Variants in SFMBT1 observed in about 807,000 individuals in gnomAD.
SFMBT1 encodes the protein Scm like with four mbt domains 1.
In SFMBT1, 32 loss-of-function variants were observed where a neutral mutation model predicts 108.7. The observed-to-expected ratio is 0.29, with a 90% confidence interval of 0.22 to 0.40. The LOEUF is 0.40. SFMBT1 is among the 10% of genes least tolerant of loss of function. SFMBT1 has a pLI of 1.00. For synonymous variants in SFMBT1, 348 were observed against 369.5 expected (o/e 0.94, Z 0.67); for missense variants, 816 against 1,059.6 (o/e 0.77, Z 3.19).
intron 1 of SFMBT1, among the ~76,000 whole-genome samples, chr3:53,007,571 C>A (rs531897745): frequency 1.3e-5 from 2 of 152,274 alleles, no homozygotes; most frequent in Non-Finnish European, 2.9e-5. Flanking sequence ...GACAAAGCAG[C>A]AGCTTGAAGG....
chr3:52,912,877 G>GA (rs1042878422), intron 15 of SFMBT1, among the ~76,000 whole-genome samples: 1 of 152,044 alleles, frequency 6.6e-6, no homozygotes, highest in Non-Finnish European at 1.5e-5. Context: ...TTACGGTCAG[G>GA]AAAAAAACAG....
In SFMBT1 at chr3:53,002,866, T is replaced by C. The variant is rs954871554; in HGVS notation, c.-130-33608A>G. Among the ~76,000 whole-genome samples, 63 of 150,482 alleles carry C rather than the reference T, an allele frequency of 4.2e-4. 5 individuals are homozygous for C. Among genetic ancestry groups the C allele is most frequent in the Middle Eastern group, 6.8e-3 (2 of 292 alleles). ...AGACTGATAGTTACATGAAGATGTC[T>C]AGTTATTGGGTGTTTTCCCCCGCTC... On this transcript the variant is annotated intron_variant, in intron 1 of 20. Transcript: ENST00000394752.
At chr3:52,921,438 T>C (rs1238837668) in intron 11 of SFMBT1, among the ~76,000 whole-genome samples, 3 of 152,206 alleles carry the variant, frequency 2.0e-5, no homozygotes, top group Non-Finnish European at 4.4e-5. Flanking sequence ...CATCAAAATA[T>C]ATGCTATTTG....
intron 1 of SFMBT1, among the ~76,000 whole-genome samples, chr3:52,991,989 G>A (rs1036726787): frequency 6.6e-6 from 1 of 152,206 alleles, no homozygotes; most frequent in Non-Finnish European, 1.5e-5. Flanking sequence ...CCATTTCTGT[G>A]TTCCAACACC....
chr3:52,936,508 G>C (rs1347204519), intron 4 of SFMBT1, among the ~76,000 whole-genome samples: 1 of 152,180 alleles, frequency 6.6e-6, no homozygotes, highest in Non-Finnish European at 1.5e-5. Context: ...TCTTCAACCA[G>C]AGGCAGTCTC....
chr3:52,929,681 A>G (rs1321040289), intron 8 of SFMBT1, among the ~76,000 whole-genome samples: 1 of 152,256 alleles, frequency 6.6e-6, no homozygotes, highest in South Asian at 2.1e-4. Context: ...GAAAACTTAA[A>G]TCTCAATAGG....
chr3:52,920,775 CTT>C, intron 11 of SFMBT1, 125 bp from the exon 12 acceptor site: 1 of 606,866 alleles, frequency 1.6e-6, no homozygotes, highest in South Asian at 2.2e-5. Flanking sequence ...ACACAAGTCT[CTT>C]GACACAGAAG....
intron 1 of SFMBT1, among the ~76,000 whole-genome samples, chr3:53,017,128 C>T (rs1699151930): frequency 6.6e-6 from 1 of 152,084 alleles, no homozygotes; most frequent in Admixed American, 6.6e-5. Context: ...CTGCAAAGTA[C>T]ATTATTACTA....
chr3:52,905,851 T>C (rs1702051852), intron 20 of SFMBT1, among the ~76,000 whole-genome samples: 1 of 152,182 alleles, frequency 6.6e-6, no homozygotes, highest in Non-Finnish European at 1.5e-5. Context: ...ATGTGGACAA[T>C]TAAGCATGGT....
chr3:52,976,683 GA>G (rs1360619582), intron 1 of SFMBT1, among the ~76,000 whole-genome samples: 2 of 151,604 alleles, frequency 1.3e-5, no homozygotes, highest in Non-Finnish European at 1.5e-5. Flanking sequence ...ACAAGCTACA[GA>G]AAAAAAACTA....
chr3:53,007,697 A>G (rs976630060), intron 1 of SFMBT1, among the ~76,000 whole-genome samples: 53 of 152,260 alleles, frequency 3.5e-4, no homozygotes, highest in Admixed American at 2.0e-4. Context: ...TAATAAATCA[A>G]TAAATTGAAA....
chr3:52,915,515 G>A (rs774562467), intron 14 of SFMBT1, among the ~76,000 whole-genome samples: 3 of 152,126 alleles, frequency 2.0e-5, no homozygotes, highest in Non-Finnish European at 2.9e-5. Context: ...TCTGAGCTTC[G>A]ATTTCTCTTC....
At position 52,907,019 on chromosome 3, in the gene SFMBT1, G is replaced by A. The variant is rs183268116; in HGVS notation, c.2331+50C>T. 1,984 of 1,555,590 alleles carry A rather than the reference G, an allele frequency of 1.3e-3. 9 individuals carry two copies. The highest frequency in any genetic ancestry group is 8.7e-3 in the Middle Eastern group (44 of 5,054). ...ATCACTAATAATCATATTCCAGATG[G>A]AAATTCCAGAGAGAAAGAAAGAAAA... On this transcript the variant is annotated intron_variant, in intron 19 of 20. Transcript: ENST00000394752.
chr3:52,965,359 T>C (rs1318052018), intron 2 of SFMBT1, among the ~76,000 whole-genome samples: 1 of 149,814 alleles, frequency 6.7e-6, no homozygotes. Flanking sequence ...GAGGGACCTG[T>C]GGGACAATAA....
At chr3:53,023,965 A>G (rs960789533) in intron 1 of SFMBT1, among the ~76,000 whole-genome samples, 2 of 152,252 alleles carry the variant, frequency 1.3e-5, no homozygotes, top group African/African-American at 4.8e-5. Context: ...GTGAGCAACT[A>G]CTATGGACCA....
At position 52,932,152 on chromosome 3, in the gene SFMBT1, T is replaced by G; in HGVS notation, c.610A>C (p.Asn204His). The G allele has an allele frequency of 6.2e-7, 1 of 1,614,166 alleles. No homozygotes were observed. Among genetic ancestry groups the G allele is most frequent in the South Asian group, 1.1e-5 (1 of 91,078 alleles). ...AAGTAATACAACCAATGTTCATAAT[T>G]GTCAGAACTTTCAAGTCCTTCATAA... ...LRYEGLESSD[N>H]YEHWLYYLDP... The change falls in exon 6 of 21, where the codon AAT (asparagine) becomes CAT (histidine). Residue 204 changes from asparagine (N) to histidine (H), a missense_variant. By Grantham distance (68) the Asn-to-His change is moderately conservative. Coordinates refer to ENST00000394752, the MANE Select transcript of SFMBT1 (RefSeq NM_016329.4).
intron 1 of SFMBT1, among the ~76,000 whole-genome samples, chr3:52,970,815 A>G (rs1704315597): frequency 1.3e-5 from 2 of 152,200 alleles, no homozygotes; most frequent in Non-Finnish European, 2.9e-5. Context: ...AAAAGGTACC[A>G]GCTACCTAAA....
chr3:52,915,660 C>T (rs1440227991), intron 14 of SFMBT1, among the ~76,000 whole-genome samples: 1 of 152,216 alleles, frequency 6.6e-6, no homozygotes, highest in Non-Finnish European at 1.5e-5. Context: ...AGGCTTGAAC[C>T]TCCAGCAAGG....
intron 12 of SFMBT1, among the ~76,000 whole-genome samples, chr3:52,919,671 G>A (rs1207922162): frequency 6.6e-6 from 1 of 152,182 alleles, no homozygotes; most frequent in African/African-American, 2.4e-5. Flanking sequence ...AAAGACTCTG[G>A]CTTCCATCTT....
Sources: gnomAD v4.1 joint callset for allele counts (sites outside exome capture counted in the v4.1 genomes callset) on GRCh38, gnomAD v4.1.1 for gene constraint, MANE v1.5 for transcripts, NCBI Gene and HGNC (gene_info 2026-07-23, HGNC 2026-07-21) for gene names.